Variants in MAF observed in about 807,000 individuals in gnomAD.
The protein encoded by MAF is MAF bZIP transcription factor.
A neutral mutation model predicts 22.0 loss-of-function variants in MAF; 10 were observed. The ratio of observed to expected loss-of-function variants is 0.45; its 90% CI spans 0.28 to 0.77. The LOEUF (loss-of-function observed/expected upper bound fraction) is 0.77, where lower values mean the gene tolerates loss of function less well. Among genes scored for constraint, MAF ranks in the 30% least tolerant of loss-of-function variants. The probability of loss-of-function intolerance (pLI) is 0.12; values close to 1 mark genes in which losing one functional copy is unlikely to be tolerated. For missense variants in MAF, 544 were observed against 548.4 expected (o/e 0.99, Z 0.08); for synonymous variants, 337 against 255.8 (o/e 1.32, Z -3.03).
the MAF span, among the ~76,000 whole-genome samples, chr16:79,548,279 G>C: frequency 6.6e-6 from 1 of 152,020 alleles, no homozygotes; most frequent in Non-Finnish European, 1.5e-5. Flanking sequence ...ATTCATAAAT[G>C]TTCTTGATTG....
At chr16:79,519,521 C>T in the MAF span, among the ~76,000 whole-genome samples, 1 of 152,206 alleles carries the variant, frequency 6.6e-6, no homozygotes, top group African/African-American at 2.4e-5. Context: ...CATGTTCTGG[C>T]CTCCCTTACC....
the MAF span, among the ~76,000 whole-genome samples, chr16:79,482,169 C>T: frequency 6.6e-6 from 1 of 152,210 alleles, no homozygotes; most frequent in Non-Finnish European, 1.5e-5. Flanking sequence ...TGAGCAGAAC[C>T]TATCCTGGTT....
chr16:79,223,449 A>T, the MAF span, among the ~76,000 whole-genome samples: 1 of 152,226 alleles, frequency 6.6e-6, no homozygotes, highest in Non-Finnish European at 1.5e-5. Flanking sequence ...CACAATTAAA[A>T]GAACTAGAGA....
the MAF span, among the ~76,000 whole-genome samples, chr16:79,562,293 C>T: frequency 6.6e-6 from 1 of 152,274 alleles, no homozygotes; most frequent in Admixed American, 6.5e-5. Context: ...AGTACAAAGA[C>T]ATGGACAAGG....
the MAF span, among the ~76,000 whole-genome samples, chr16:79,337,445 C>G: frequency 1.3e-5 from 2 of 152,014 alleles, no homozygotes; most frequent in South Asian, 4.2e-4. Context: ...TGGCGCACCT[C>G]TAGTCCCAGC....
chr16:79,235,180 T>C, the MAF span, among the ~76,000 whole-genome samples: 7 of 152,076 alleles, frequency 4.6e-5, no homozygotes, highest in Non-Finnish European at 2.9e-5. Context: ...GAATTTACTT[T>C]GAGATGCTCT....
At chr16:79,397,610 C>T in the MAF span, among the ~76,000 whole-genome samples, 1 of 152,142 alleles carries the variant, frequency 6.6e-6, no homozygotes, top group Non-Finnish European at 1.5e-5. Flanking sequence ...CGGCTGGTTG[C>T]ATAGATGATG....
At chr16:79,354,458 A>G in the MAF span, among the ~76,000 whole-genome samples, 2 of 152,156 alleles carry the variant, frequency 1.3e-5, no homozygotes, top group African/African-American at 2.4e-5. Context: ...TTTCGGCCAT[A>G]GTGGGAGTGG....
At chr16:79,290,793 A>G in the MAF span, among the ~76,000 whole-genome samples, 1 of 152,072 alleles carries the variant, frequency 6.6e-6, no homozygotes, top group Non-Finnish European at 1.5e-5. Flanking sequence ...TGTTTCTCAA[A>G]TTGTTGACCT....
the MAF span, among the ~76,000 whole-genome samples, chr16:79,561,633 A>G: frequency 2.6e-5 from 4 of 152,120 alleles, no homozygotes; most frequent in African/African-American, 4.8e-5. Flanking sequence ...ATGTCCCTAC[A>G]AAGGAAACAT....
At chr16:79,215,134 A>G in the MAF span, among the ~76,000 whole-genome samples, 1 of 152,238 alleles carries the variant, frequency 6.6e-6, no homozygotes, top group Non-Finnish European at 1.5e-5. Flanking sequence ...ATAAATTGAT[A>G]GAGCTGCAGT....
At chr16:79,374,645 G>T in the MAF span, among the ~76,000 whole-genome samples, 1 of 152,340 alleles carries the variant, frequency 6.6e-6, no homozygotes, top group East Asian at 1.9e-4. Flanking sequence ...GCTGCCTGTG[G>T]TCTCCCAGGG....
the MAF span, among the ~76,000 whole-genome samples, chr16:79,420,876 A>C: frequency 6.6e-6 from 1 of 152,216 alleles, no homozygotes; most frequent in East Asian, 1.9e-4. Flanking sequence ...TCTACTAAAA[A>C]CACAAAAATT....
At chr16:79,298,652 T>C in the MAF span, among the ~76,000 whole-genome samples, 1 of 152,134 alleles carries the variant, frequency 6.6e-6, no homozygotes, top group African/African-American at 2.4e-5. Context: ...AGAACTCACT[T>C]GTCATGGGAA....
the MAF span, among the ~76,000 whole-genome samples, chr16:79,268,273 T>C: frequency 6.6e-6 from 1 of 151,788 alleles, no homozygotes; most frequent in African/African-American, 2.4e-5. Context: ...GCAAGAAAAA[T>C]GTAGTCGTCT....
chr16:79,492,936 G>C, the MAF span, among the ~76,000 whole-genome samples: 3 of 151,520 alleles, frequency 2.0e-5, no homozygotes, highest in Non-Finnish European at 4.4e-5. Flanking sequence ...TCTTAACATA[G>C]GTGCTGGTTA....
chr16:79,466,539 G>A, the MAF span, among the ~76,000 whole-genome samples: 6 of 152,292 alleles, frequency 3.9e-5, no homozygotes, highest in Admixed American at 2.6e-4. Flanking sequence ...AGGAGATCCC[G>A]GAGGCAAACT....
At chr16:79,346,259 G>C in the MAF span, among the ~76,000 whole-genome samples, 1 of 146,132 alleles carries the variant, frequency 6.8e-6, no homozygotes, top group Admixed American at 7.2e-5. Flanking sequence ...ATTCCCACCT[G>C]AGTGAGAACA....
chr16:79,561,624 T>C, the MAF span, among the ~76,000 whole-genome samples: 3 of 152,090 alleles, frequency 2.0e-5, no homozygotes, highest in Admixed American at 1.3e-4. Flanking sequence ...GCTTCATCCA[T>C]GTCCCTACAA....
Sources: gnomAD v4.1 joint callset for allele counts (sites outside exome capture counted in the v4.1 genomes callset) on GRCh38, gnomAD v4.1.1 for gene constraint, MANE v1.5 for transcripts, NCBI Gene and HGNC (gene_info 2026-07-23, HGNC 2026-07-21) for gene names.